KCNB2: variants seen among roughly 807,000 people sequenced by gnomAD.
KCNB2 encodes delayed rectifier potassium channel protein.
In KCNB2, 15 loss-of-function variants were observed where a neutral mutation model predicts 61.5. That is an observed-to-expected ratio of 0.24 (90% CI 0.16 to 0.38). The LOEUF (loss-of-function observed/expected upper bound fraction) is 0.38. Among genes scored for constraint, KCNB2 ranks in the 10% least tolerant of loss-of-function variants. KCNB2 has a pLI of 1.00. For synonymous variants in KCNB2, 457 were observed against 446.0 expected, an observed-to-expected ratio of 1.02 and a Z score of -0.31; for missense variants, 828 against 1,125.2, an observed-to-expected ratio of 0.74 and a Z score of 3.78.
intron 2 of KCNB2, among the ~76,000 whole-genome samples, chr8:72,798,141 A>G (rs765006176): frequency 6.6e-6 from 1 of 152,164 alleles, no homozygotes; most frequent in Non-Finnish European, 1.5e-5. Context: ...AGCAACTTAC[A>G]TCTTCTGCAT....
At chr8:72,704,205 A>G (rs796778735) in intron 2 of KCNB2, among the ~76,000 whole-genome samples, 9 of 152,322 alleles carry the variant, frequency 5.9e-5, no homozygotes, top group African/African-American at 1.7e-4. Context: ...AACCTTTTAT[A>G]TAAAGGTTGT....
intron 2 of KCNB2, among the ~76,000 whole-genome samples, chr8:72,703,667 G>A (rs1474353402): frequency 6.6e-6 from 1 of 152,190 alleles, no homozygotes; most frequent in African/African-American, 2.4e-5. Flanking sequence ...GTCAGGGTAG[G>A]AGAGAAGCTG....
At chr8:72,839,922 T>TG (rs1404958048) in intron 2 of KCNB2, among the ~76,000 whole-genome samples, 3 of 152,018 alleles carry the variant, frequency 2.0e-5, no homozygotes, top group African/African-American at 7.2e-5. Flanking sequence ...CTTTTTTTTT[T>TG]TTTAATACTT....
intron 2 of KCNB2, among the ~76,000 whole-genome samples, chr8:72,765,867 T>C (rs1808454195): frequency 1.3e-5 from 2 of 152,196 alleles, no homozygotes; most frequent in Admixed American, 1.3e-4. Context: ...CAAAGTGATG[T>C]TGATTGCTGC....
In KCNB2 at chr8:72,937,711, C is replaced by G. The variant is rs1398066070; in HGVS notation, c.2356C>G (p.Pro786Ala). 7.4e-6 allele frequency: 12 copies of G among 1,613,836 alleles called. No homozygotes were observed. Among genetic ancestry groups the G allele is most frequent in the Non-Finnish European group, 9.3e-6 (11 of 1,180,000 alleles). Residue 786 changes from proline to alanine, a missense_variant, in exon 3 of 3, where the codon CCC (proline) becomes GCC (alanine). Transcript: ENST00000523207. ...TCAGGGACCTTCCAAAGGGCTGTCC[C>G]CCAGGTTTCCCAAGCAGAAACTGTT... ...PCQGPSKGLS[P>A]RFPKQKLFPF...
intron 2 of KCNB2, among the ~76,000 whole-genome samples, chr8:72,791,021 G>A (rs1015953957): frequency 3.3e-5 from 5 of 152,136 alleles, no homozygotes; most frequent in Admixed American, 2.0e-4. Flanking sequence ...CTGGCTTGGG[G>A]AAAAAACAGT....
At chr8:72,625,286 C>T (rs1257833774) in intron 2 of KCNB2, among the ~76,000 whole-genome samples, 1 of 152,130 alleles carries the variant, frequency 6.6e-6, no homozygotes, top group Non-Finnish European at 1.5e-5. Context: ...AAAATGAAGT[C>T]CCTGTTCTGA....
chr8:72,774,059 G>A (rs1272570739), intron 2 of KCNB2, among the ~76,000 whole-genome samples: 3 of 152,072 alleles, frequency 2.0e-5, no homozygotes, highest in Non-Finnish European at 4.4e-5. Flanking sequence ...GCTTTTACAT[G>A]CATTTCTCAT....
chr8:72,724,028 A>T (rs985960989), intron 2 of KCNB2, among the ~76,000 whole-genome samples: 1 of 152,122 alleles, frequency 6.6e-6, no homozygotes, highest in Non-Finnish European at 1.5e-5. Flanking sequence ...TGTGCCTGGG[A>T]AGTGGCACTG....
intron 2 of KCNB2, among the ~76,000 whole-genome samples, chr8:72,920,733 T>C (rs1806505888): frequency 6.6e-6 from 1 of 151,944 alleles, no homozygotes; most frequent in African/African-American, 2.4e-5. Flanking sequence ...TGATGAAGAT[T>C]TAAGTACTAA....
At chr8:72,716,406 A>G (rs2128992315) in intron 2 of KCNB2, among the ~76,000 whole-genome samples, 1 of 152,346 alleles carries the variant, frequency 6.6e-6, no homozygotes, top group Admixed American at 6.5e-5. Context: ...TGATGCAAAA[A>G]TCCTCAATAA....
At chr8:72,830,831 CAAT>C (rs1181110296) in intron 2 of KCNB2, among the ~76,000 whole-genome samples, 2 of 152,130 alleles carry the variant, frequency 1.3e-5, no homozygotes, top group Non-Finnish European at 2.9e-5. Flanking sequence ...CAAAAGAAAG[CAAT>C]AAAACTTTGA....
intron 2 of KCNB2, among the ~76,000 whole-genome samples, chr8:72,931,949 G>C (rs1806793653): frequency 6.6e-6 from 1 of 152,164 alleles, no homozygotes; most frequent in Admixed American, 6.5e-5. Context: ...GGAGGTGGAG[G>C]TTGCAGTGAG....
At chr8:72,902,995 T>G (rs1435557209) in intron 2 of KCNB2, among the ~76,000 whole-genome samples, 1 of 152,198 alleles carries the variant, frequency 6.6e-6, no homozygotes, top group East Asian at 1.9e-4. Context: ...ATAAGGGTGG[T>G]TCTGGATAAC....
At chr8:72,855,620 A>G (rs1001263146) in intron 2 of KCNB2, among the ~76,000 whole-genome samples, 23 of 152,308 alleles carry the variant, frequency 1.5e-4, no homozygotes, top group African/African-American at 4.8e-4. Context: ...TATGAGTTCC[A>G]CAAAGGCAAA....
intron 2 of KCNB2, among the ~76,000 whole-genome samples, chr8:72,713,062 G>C (rs1807352713): frequency 6.6e-6 from 1 of 152,240 alleles, no homozygotes; most frequent in Non-Finnish European, 1.5e-5. Context: ...CTCACTCGTT[G>C]CTAGCACAGC....
chr8:72,847,557 G>T (rs1462433224), intron 2 of KCNB2, among the ~76,000 whole-genome samples: 1 of 152,152 alleles, frequency 6.6e-6, no homozygotes, highest in African/African-American at 2.4e-5. Flanking sequence ...ACTGTAATTT[G>T]TTTTGCATCT....
At chr8:72,628,901 A>G (rs1157727058) in intron 2 of KCNB2, among the ~76,000 whole-genome samples, 1 of 152,132 alleles carries the variant, frequency 6.6e-6, no homozygotes, top group Non-Finnish European at 1.5e-5. Flanking sequence ...CTCCACATCA[A>G]ATCTTCAGAA....
chr8:72,712,895 G>A (rs1807349324), intron 2 of KCNB2, among the ~76,000 whole-genome samples: 1 of 152,190 alleles, frequency 6.6e-6, no homozygotes, highest in Non-Finnish European at 1.5e-5. Flanking sequence ...AAGGGGTCAG[G>A]GAATTCCCTT....
Sources: allele counts gnomAD v4.1 joint callset (sites outside exome capture counted in the v4.1 genomes callset), GRCh38; gene constraint gnomAD v4.1.1; transcripts MANE v1.5; gene names NCBI Gene and HGNC (gene_info 2026-07-23, HGNC 2026-07-21).